The following FRMD3 variants were observed in gnomAD, a reference collection of about 807,000 sequenced individuals.
The protein encoded by FRMD3 is FERM domain containing 3, also known as FERM domain-containing protein 3.
In FRMD3, 33 loss-of-function variants were observed where a neutral mutation model predicts 70.2. That is an observed-to-expected ratio of 0.47 (90% CI 0.36 to 0.63). The LOEUF is 0.63. Among genes scored for constraint, FRMD3 ranks in the 20% least tolerant of loss-of-function variants. The pLI is 0.00. For missense variants in FRMD3, 632 were observed against 711.4 expected, an observed-to-expected ratio of 0.89 and a Z score of 1.27; for synonymous variants, 279 against 255.9, an observed-to-expected ratio of 1.09 and a Z score of -0.86.
rs753996918 is a variant in FRMD3, at chr9:83,313,687, G to A, written c.657C>T (p.Thr219=). The A allele has an allele frequency of 2.7e-5, 43 of 1,613,942 alleles. No individual in the cohort carries two copies. The highest frequency in any genetic ancestry group is 1.6e-4 in the Middle Eastern group (1 of 6,084). Residue 219 remains threonine, a synonymous_variant, in exon 7 of 14, where the codon ACC becomes ACT. Coordinates refer to ENST00000304195, the MANE Select transcript of FRMD3 (RefSeq NM_174938.6). ...TGCATGGGTGAGGATCCACCCCGTA[G>A]GTTTCCAAAGTGTGAGCTTTCAGGA... ...NLLLKAHTLE[T]YGVDPHPCKD...
At chr9:83,296,981 G>C (rs1014482969) in intron 12 of FRMD3, among the ~76,000 whole-genome samples, 2 of 151,138 alleles carry the variant, frequency 1.3e-5, no homozygotes, top group African/African-American at 4.9e-5. Context: ...ACAGAATCCT[G>C]AGGTGATCCC....
the FRMD3 span, among the ~76,000 whole-genome samples, chr9:83,555,871 C>G: frequency 2.6e-5 from 4 of 152,290 alleles, no homozygotes; most frequent in Admixed American, 2.0e-4. Context: ...TCTCCTAACC[C>G]AAGGGTTGCA....
chr9:83,547,662 T>C, the FRMD3 span, among the ~76,000 whole-genome samples: 1 of 152,140 alleles, frequency 6.6e-6, no homozygotes, highest in Non-Finnish European at 1.5e-5. Flanking sequence ...AACTCTGGAC[T>C]TAAATCAGAC....
chr9:83,431,184 G>A (rs1200982917), intron 1 of FRMD3, among the ~76,000 whole-genome samples: 1 of 152,150 alleles, frequency 6.6e-6, no homozygotes, highest in Non-Finnish European at 1.5e-5. Context: ...GGATGTTTGA[G>A]AACATCAGCC....
At chr9:83,344,085 C>A (rs1225856063) in intron 4 of FRMD3, among the ~76,000 whole-genome samples, 2 of 152,228 alleles carry the variant, frequency 1.3e-5, no homozygotes, top group African/African-American at 2.4e-5. Flanking sequence ...AGGTTGCAAC[C>A]CCTGGCTCAG....
chr9:83,406,897 A>C (rs1826121127), intron 1 of FRMD3, among the ~76,000 whole-genome samples: 1 of 151,950 alleles, frequency 6.6e-6, no homozygotes, highest in South Asian at 2.1e-4. Context: ...CCTCCAGTTT[A>C]TTTTATCACT....
chr9:83,373,291 G>A (rs1825039616), intron 2 of FRMD3, among the ~76,000 whole-genome samples: 1 of 152,130 alleles, frequency 6.6e-6, no homozygotes, highest in Non-Finnish European at 1.5e-5. Flanking sequence ...TGTGAAAGCC[G>A]CATATGGCTA....
chr9:83,463,669 C>A lies in FRMD3; in HGVS notation c.148-73961G>T, dbSNP rs559869599. 1.1e-3 allele frequency among the ~76,000 whole-genome samples: 175 copies of A among 152,270 alleles called. 1 individual carries two copies. Among genetic ancestry groups the A allele is most frequent in the Non-Finnish European group, 2.1e-3 (142 of 68,026 alleles). On this transcript the variant is annotated intron_variant, in intron 1 of 13. Transcript: ENST00000304195. ...AAACCATATCAGTAATAATAATAAC[C>A]ATTTTGCTCTTGCCAAGAAGATCTA...
At chr9:83,461,632 G>A (rs1027812187) in intron 1 of FRMD3, among the ~76,000 whole-genome samples, 1 of 135,706 alleles carries the variant, frequency 7.4e-6, no homozygotes, top group Non-Finnish European at 1.6e-5. Context: ...GCATTTAAAA[G>A]CAGCAAAAAT....
intron 6 of FRMD3, among the ~76,000 whole-genome samples, chr9:83,317,240 T>C (rs913240280): frequency 6.8e-6 from 1 of 146,940 alleles, no homozygotes; most frequent in African/African-American, 2.6e-5. Context: ...ATTTGTATAC[T>C]CATCTCACCT....
At chr9:83,292,804 T>C (rs1465118555) in intron 12 of FRMD3, among the ~76,000 whole-genome samples, 1 of 152,116 alleles carries the variant, frequency 6.6e-6, no homozygotes, top group Non-Finnish European at 1.5e-5. Flanking sequence ...TCTGCCACCA[T>C]GCCCAGCTAA....
At chr9:83,445,434 T>C (rs1453422572) in intron 1 of FRMD3, among the ~76,000 whole-genome samples, 1 of 152,124 alleles carries the variant, frequency 6.6e-6, no homozygotes, top group Non-Finnish European at 1.5e-5. Context: ...AGGCATGCCA[T>C]CCAGAAGATA....
At chr9:83,248,572 T>C in intron 13 of FRMD3, 56 bp from the exon 14 acceptor site, 1 of 1,507,540 alleles carries the variant, frequency 6.6e-7, no homozygotes, top group Non-Finnish European at 8.8e-7. Context: ...CCCACAAAAA[T>C]CTGCAGGAAG....
intron 1 of FRMD3, among the ~76,000 whole-genome samples, chr9:83,406,573 G>C (rs922898691): frequency 7.2e-4 from 109 of 152,334 alleles, no homozygotes; most frequent in African/African-American, 2.5e-3. Context: ...TTTTTCTCTT[G>C]TGAGTCAAGA....
chr9:83,492,438 T>C (rs1828848476), intron 1 of FRMD3, among the ~76,000 whole-genome samples: 1 of 152,200 alleles, frequency 6.6e-6, no homozygotes, highest in East Asian at 1.9e-4. Flanking sequence ...TGGCCCCAAA[T>C]GTACTGCATC....
intron 1 of FRMD3, among the ~76,000 whole-genome samples, chr9:83,437,975 C>T (rs191658402): frequency 2.2e-4 from 34 of 152,208 alleles, no homozygotes; most frequent in African/African-American, 7.2e-4. Flanking sequence ...AGGGCACGTG[C>T]GGGAAACACA....
At chr9:83,482,456 T>C (rs986559871) in intron 1 of FRMD3, among the ~76,000 whole-genome samples, 2 of 152,264 alleles carry the variant, frequency 1.3e-5, no homozygotes, top group African/African-American at 4.8e-5. Flanking sequence ...TTAGCCATTA[T>C]ATTTCTGTAT....
chr9:83,389,783 C>T (rs1451369664), intron 1 of FRMD3, 75 bp from the exon 2 acceptor site: 44 of 967,196 alleles, frequency 4.5e-5, no homozygotes, highest in Non-Finnish European at 6.0e-5. Context: ...CCTTGTTCAC[C>T]ACCATGGGTC....
At chr9:83,355,264 A>C (rs1225548310) in intron 3 of FRMD3, among the ~76,000 whole-genome samples, 1 of 152,226 alleles carries the variant, frequency 6.6e-6, no homozygotes, top group Non-Finnish European at 1.5e-5. Context: ...TTTGGTGCAG[A>C]ATCAGTACAG....
Sources: allele counts gnomAD v4.1 joint callset (sites outside exome capture counted in the v4.1 genomes callset), GRCh38; gene constraint gnomAD v4.1.1; transcripts MANE v1.5; gene names NCBI Gene and HGNC (gene_info 2026-07-23, HGNC 2026-07-21).